Variants in GABRB2 observed in about 807,000 individuals in gnomAD.
The protein encoded by GABRB2 is gamma-aminobutyric acid type A receptor subunit beta2, also known as gamma-aminobutyric acid receptor subunit beta-2.
GABRB2 carries 16 observed loss-of-function variants against 54.7 expected under a neutral mutation model. The observed-to-expected ratio is 0.29, with a 90% CI of 0.20 to 0.44. GABRB2 has a LOEUF of 0.44. GABRB2 is among the 20% of genes least tolerant of loss of function. The probability of loss-of-function intolerance (pLI) is 1.00; values close to 1 mark genes in which losing one functional copy is unlikely to be tolerated. For missense variants in GABRB2, 355 were observed against 644.0 expected, an observed-to-expected ratio of 0.55 and a Z score of 4.86; for synonymous variants, 244 against 233.8, an observed-to-expected ratio of 1.04 and a Z score of -0.40.
chr5:161,477,068 C>T (rs1289122264), intron 3 of GABRB2, among the ~76,000 whole-genome samples: 1 of 151,692 alleles, frequency 6.6e-6, no homozygotes, highest in Admixed American at 6.6e-5. Flanking sequence ...TTTTTAAAAA[C>T]TCCTACAACT....
At chr5:161,492,217 A>T (rs1759106715) in intron 3 of GABRB2, among the ~76,000 whole-genome samples, 1 of 151,618 alleles carries the variant, frequency 6.6e-6, no homozygotes, top group Non-Finnish European at 1.5e-5. Flanking sequence ...CTATAATCCA[A>T]GCAGAGGGTC....
intron 4 of GABRB2, among the ~76,000 whole-genome samples, chr5:161,414,479 C>A (rs1360214984): frequency 6.6e-6 from 1 of 152,040 alleles, no homozygotes. Context: ...GTGGAATACC[C>A]ATACACTTAC....
At chr5:161,447,919 T>G (rs779423135) in intron 4 of GABRB2, among the ~76,000 whole-genome samples, 1 of 152,164 alleles carries the variant, frequency 6.6e-6, no homozygotes, top group Non-Finnish European at 1.5e-5. Context: ...GGATCCTTCC[T>G]AATATTCTGG....
At chr5:161,478,591 G>C (rs2962409) in intron 3 of GABRB2, among the ~76,000 whole-genome samples, 4,173 of 152,066 alleles carry the variant, frequency 0.027, 83 homozygotes, top group Middle Eastern at 0.041. Flanking sequence ...TAGTTTGCTG[G>C]TTAGAAAAGA....
chr5:161,477,756 G>C (rs532757801), intron 3 of GABRB2, among the ~76,000 whole-genome samples: 1 of 151,976 alleles, frequency 6.6e-6, no homozygotes, highest in Non-Finnish European at 1.5e-5. Flanking sequence ...ATCTAGAGTA[G>C]TGAAGTTCAT....
At chr5:161,471,487 A>G (rs1758437539) in intron 3 of GABRB2, among the ~76,000 whole-genome samples, 1 of 152,052 alleles carries the variant, frequency 6.6e-6, no homozygotes, top group South Asian at 2.1e-4. Flanking sequence ...CACATTCAGG[A>G]CATGGAAGCT....
chr5:161,357,743 G>A (rs1001526418), intron 5 of GABRB2, among the ~76,000 whole-genome samples: 1 of 151,962 alleles, frequency 6.6e-6, no homozygotes, highest in South Asian at 2.1e-4. Context: ...TGAAGATCCA[G>A]CTAATAGGAT....
intron 3 of GABRB2, among the ~76,000 whole-genome samples, chr5:161,485,295 C>A (rs1234157971): frequency 1.3e-5 from 2 of 151,840 alleles, no homozygotes; most frequent in Admixed American, 1.3e-4. Context: ...TGCTATTTCC[C>A]CCAGTGGTCT....
At chr5:161,401,118 GTTA>G (rs1756175823) in intron 5 of GABRB2, among the ~76,000 whole-genome samples, 1 of 152,122 alleles carries the variant, frequency 6.6e-6, no homozygotes, top group South Asian at 2.1e-4. Flanking sequence ...TAGGCCAGCA[GTTA>G]TTATGGTATA....
At chr5:161,529,075 A>G (rs1429021072) in intron 3 of GABRB2, among the ~76,000 whole-genome samples, 3 of 151,942 alleles carry the variant, frequency 2.0e-5, no homozygotes, top group Non-Finnish European at 4.4e-5. Context: ...ACTTTTTTTC[A>G]GAATGGATTT....
chr5:161,484,303 A>G (rs1758852758), intron 3 of GABRB2, among the ~76,000 whole-genome samples: 1 of 151,966 alleles, frequency 6.6e-6, no homozygotes, highest in Non-Finnish European at 1.5e-5. Context: ...TAAAGTTAAA[A>G]AGAAGTCATC....
In GABRB2 at chr5:161,303,612, C is replaced by T. The variant is rs149222572; in HGVS notation, c.1192-9184G>A. 9.8e-4 allele frequency among the ~76,000 whole-genome samples: 149 copies of T among 152,204 alleles called. 1 individual carries two copies. The highest frequency in any genetic ancestry group is 3.3e-3 in the African/African-American group (138 of 41,530). ...GTACAAAGAGAAGAGTAAGATTTTACTCTTCAAAAGATCCCAGAAGATACA... is the reference window on the plus strand; with the variant it reads ...GTACAAAGAGAAGAGTAAGATTTTATTCTTCAAAAGATCCCAGAAGATACA... On this transcript the variant is annotated intron_variant, in intron 9 of 9. Transcript: ENST00000393959.
intron 5 of GABRB2, among the ~76,000 whole-genome samples, chr5:161,361,487 G>T (rs1561622171): frequency 6.6e-6 from 1 of 152,016 alleles, no homozygotes; most frequent in African/African-American, 2.4e-5. Flanking sequence ...GACTAAATGG[G>T]ACTGTTGAAG....
chr5:161,322,538 G>A (rs1758243042), intron 9 of GABRB2, among the ~76,000 whole-genome samples: 1 of 152,168 alleles, frequency 6.6e-6, no homozygotes. Flanking sequence ...GCCCGGAGAA[G>A]AAGTGTTTAT....
intron 3 of GABRB2, among the ~76,000 whole-genome samples, chr5:161,488,644 A>G (rs1311436556): frequency 2.0e-5 from 3 of 151,782 alleles, no homozygotes; most frequent in Admixed American, 6.6e-5. Flanking sequence ...TTATATTTTT[A>G]TTATCCCCAG....
rs147645051 is a variant in GABRB2, at chr5:161,435,884, A to G, written c.458+23740T>C. 2.8e-3 allele frequency among the ~76,000 whole-genome samples: 419 copies of G among 152,316 alleles called. 4 individuals carry two copies. The highest frequency in any genetic ancestry group is 9.8e-3 in the African/African-American group (408 of 41,574). On this transcript the variant is annotated intron_variant, in intron 4 of 9. Transcript: ENST00000393959. ...ATATGTGGCTTGAATTTAAATTTATAGATTTTGTTTTCTTTAACATAGGAG... is the reference window on the plus strand; with the variant it reads ...ATATGTGGCTTGAATTTAAATTTATGGATTTTGTTTTCTTTAACATAGGAG...
intron 5 of GABRB2, among the ~76,000 whole-genome samples, chr5:161,359,408 G>A (rs1400750589): frequency 6.7e-6 from 1 of 148,818 alleles, no homozygotes; most frequent in Non-Finnish European, 1.5e-5. Context: ...AGTTTGAAAT[G>A]TAATACCTTT....
intron 4 of GABRB2, among the ~76,000 whole-genome samples, chr5:161,425,925 A>C (rs761474399): frequency 1.3e-5 from 2 of 152,094 alleles, no homozygotes; most frequent in Non-Finnish European, 2.9e-5. Context: ...AATTGGCTCA[A>C]TCTTCATAAA....
At chr5:161,371,201 C>T (rs1475051059) in intron 5 of GABRB2, among the ~76,000 whole-genome samples, 1 of 152,098 alleles carries the variant, frequency 6.6e-6, no homozygotes, top group Non-Finnish European at 1.5e-5. Flanking sequence ...GTTTCTGACC[C>T]ATGATCTGGG....
Sources: gnomAD v4.1 joint callset for allele counts (sites outside exome capture counted in the v4.1 genomes callset) on GRCh38, gnomAD v4.1.1 for gene constraint, MANE v1.5 for transcripts, NCBI Gene and HGNC (gene_info 2026-07-23, HGNC 2026-07-21) for gene names.